The following KLC1 variants were observed in gnomAD, a reference collection of about 807,000 sequenced individuals.
The protein encoded by KLC1 is kinesin light chain 1, also known as kinesin 2 60/70kDa.
KLC1 carries 30 observed loss-of-function variants against 84.2 expected under a neutral mutation model. That is an observed-to-expected ratio of 0.36 (90% CI 0.27 to 0.48). The LOEUF is 0.48. KLC1 is among the 20% of genes least tolerant of loss of function. KLC1 has a pLI of 0.99. For missense variants in KLC1, 499 were observed against 805.4 expected (o/e 0.62, Z 4.60); for synonymous variants, 289 against 293.3 (o/e 0.99, Z 0.15).
In KLC1 at chr14:103,690,788, T is replaced by C. The variant is rs56946889; in HGVS notation, c.1782-1571T>C. Among the ~76,000 whole-genome samples, 192 of 152,344 alleles carry C rather than the reference T, an allele frequency of 1.3e-3. No homozygotes were observed. The East Asian group carries it at 0.027, about 21-fold the overall frequency. On this transcript the variant is annotated intron_variant, in intron 14 of 16. Coordinates refer to ENST00000334553, the MANE Select transcript of KLC1 (RefSeq NM_001394837.1). ...TTATGACTGTCCATCATTTAAGTTATAGATTATTTATAGGCTGTTTCATCA... is the reference window on the plus strand; with the variant it reads ...TTATGACTGTCCATCATTTAAGTTACAGATTATTTATAGGCTGTTTCATCA...
intron 1 of KLC1, among the ~76,000 whole-genome samples, chr14:103,645,413 G>C (rs554982511): frequency 1.3e-5 from 2 of 152,230 alleles, no homozygotes; most frequent in Non-Finnish European, 2.9e-5. Flanking sequence ...GCCTAGCTCA[G>C]TTCTTCTGCA....
At chr14:103,686,041 C>T (rs780906349) in intron 13 of KLC1, 40 of 1,040,038 alleles carry the variant, frequency 3.8e-5, no homozygotes, top group Non-Finnish European at 4.4e-5. Context: ...GCACGTGCTC[C>T]GTGGTACTTA....
chr14:103,677,901 A>T (rs1447617723), intron 12 of KLC1, among the ~76,000 whole-genome samples: 1 of 151,224 alleles, frequency 6.6e-6, no homozygotes, highest in East Asian at 1.9e-4. Flanking sequence ...TGGGAGGTGG[A>T]GGCTGCAGTG....
intron 13 of KLC1, among the ~76,000 whole-genome samples, chr14:103,681,931 T>A (rs1327757773): frequency 6.6e-6 from 1 of 152,222 alleles, no homozygotes; most frequent in Admixed American, 6.5e-5. Flanking sequence ...ACAAAGTTTC[T>A]CATGCTGTTT....
At chr14:103,695,306 A>C (rs894855401) in intron 15 of KLC1, 20 of 729,814 alleles carry the variant, frequency 2.7e-5, no homozygotes, top group African/African-American at 2.0e-4. Context: ...AGCAAAAAAA[A>C]CCATGTGTAT....
At chr14:103,676,722 T>G (rs889486068) in intron 11 of KLC1, among the ~76,000 whole-genome samples, 2 of 152,230 alleles carry the variant, frequency 1.3e-5, no homozygotes, top group African/African-American at 4.8e-5. Flanking sequence ...CCAAAATGCC[T>G]ATTGTAAGTA....
chr14:103,692,691 CCT>C (rs2082190191), intron 15 of KLC1, among the ~76,000 whole-genome samples: 1 of 152,194 alleles, frequency 6.6e-6, no homozygotes, highest in African/African-American at 2.4e-5. Flanking sequence ...AATAGTTTAA[CCT>C]AATTAATGTA....
intron 1 of KLC1, among the ~76,000 whole-genome samples, chr14:103,642,457 A>G (rs1261066962): frequency 6.6e-6 from 1 of 152,138 alleles, no homozygotes; most frequent in Non-Finnish European, 1.5e-5. Flanking sequence ...TTGTCTTGAT[A>G]TTTTTCCCAT....
At chr14:103,660,465 A>T (rs1188476834) in intron 3 of KLC1, among the ~76,000 whole-genome samples, 1 of 146,486 alleles carries the variant, frequency 6.8e-6, no homozygotes, top group African/African-American at 2.5e-5. Flanking sequence ...TAGATGACAG[A>T]GTAAAGCTCT....
At chr14:103,666,717 G>A (rs893311077) in intron 5 of KLC1, among the ~76,000 whole-genome samples, 2 of 149,044 alleles carry the variant, frequency 1.3e-5, no homozygotes, top group Non-Finnish European at 3.0e-5. Flanking sequence ...ACCCACCCCG[G>A]CCTCCCAAAG....
chr14:103,695,066 A>C (rs779842697), intron 15 of KLC1: 54 of 985,260 alleles, frequency 5.5e-5, no homozygotes, highest in Non-Finnish European at 6.1e-5. Flanking sequence ...CTGGTGGATC[A>C]GGAGCTTACA....
At chr14:103,690,613 A>T (rs535290649) in intron 14 of KLC1, among the ~76,000 whole-genome samples, 1 of 131,334 alleles carries the variant, frequency 7.6e-6, no homozygotes, top group East Asian at 2.3e-4. Context: ...CTTTCCCAGG[A>T]ACTGCTGCGC....
In KLC1 at chr14:103,677,467, G is replaced by A. The variant is rs772652534; in HGVS notation, c.1432G>A (p.Gly478Ser). ...CCTTGGGGCACTTTACAGACGTCAA[G>A]GCAAATTTGAAGCTGCAGAAACGTT... Reference protein sequence around the residue: ...KNLGALYRRQGKFEAAETLEE... With the variant: ...KNLGALYRRQSKFEAAETLEE... The change falls in exon 12 of 17, where the codon GGC (glycine) becomes AGC (serine). Residue 478 changes from glycine to serine, a missense_variant. Gly to Ser is a moderately conservative substitution (Grantham distance 56). Transcript: ENST00000334553. 1 of 1,614,082 alleles carries A rather than the reference G, an allele frequency of 6.2e-7. No homozygotes were observed. Among genetic ancestry groups the A allele is most frequent in the Non-Finnish European group, 8.5e-7 (1 of 1,179,996 alleles).
chr14:103,632,898 G>A (rs2076792294), intron 1 of KLC1, among the ~76,000 whole-genome samples: 1 of 152,008 alleles, frequency 6.6e-6, no homozygotes. Context: ...TTGGGATTGG[G>A]GTTCCTGCTT....
Position 103,679,644 on chromosome 14 carries a change from C to G in KLC1, c.1650+99C>G, listed in dbSNP as rs188497757. On this transcript the variant is annotated intron_variant, in intron 13 of 16. Coordinates refer to ENST00000334553, the MANE Select transcript of KLC1 (RefSeq NM_001394837.1). ...CTCATGTGCTAGACCTTCTGCTTTT[C>G]TCAAATTAAGTGCCAATTAAGCTTT... 2,179 of 849,832 alleles carry G rather than the reference C, an allele frequency of 2.6e-3. 2 individuals are homozygous for G. The highest frequency in any genetic ancestry group is 5.6e-3 in the Admixed American group (223 of 39,918). 52.6% of individuals were successfully genotyped at this position (849,832 alleles called of 1,614,324 possible). A position where few individuals can be genotyped will look rare whatever the true frequency, so the allele number is the denominator to read the frequency against.
Position 103,666,239 on chromosome 14 carries a change from A to AT in KLC1, c.798-3267dup, listed in dbSNP as rs1207307533. On this transcript the variant is annotated intron_variant, in intron 5 of 16. Transcript: ENST00000334553. Reference sequence around the variant, plus strand: ...CCACCGCGCCCGGCTAATTTTTTGTATTTTTAGTAGAGACGGAGTTTCACC... The same window carrying AT: ...CCACCGCGCCCGGCTAATTTTTTGTATTTTTTAGTAGAGACGGAGTTTCACC... Among the ~76,000 whole-genome samples the AT allele has an allele frequency of 5.3e-5, 8 of 151,540 alleles. No individual in the cohort carries two copies. The South Asian group carries it at 1.5e-3, about 28-fold the overall frequency.
At chr14:103,695,430 G>A in intron 15 of KLC1, 3 of 984,936 alleles carry the variant, frequency 3.0e-6, no homozygotes, top group Non-Finnish European at 3.6e-6. Flanking sequence ...AAAGGGGGGT[G>A]TAGAGCAGCT....
At chr14:103,657,493 G>T (rs2078927101) in intron 2 of KLC1, 53 bp from the exon 3 acceptor site, 1 of 1,442,408 alleles carries the variant, frequency 6.9e-7, no homozygotes, top group Non-Finnish European at 9.7e-7. Flanking sequence ...CGGGTGGGAG[G>T]GACTCTTGCT....
chr14:103,629,867 G>A (rs1022827394), intron 1 of KLC1, among the ~76,000 whole-genome samples: 2 of 151,988 alleles, frequency 1.3e-5, no homozygotes, highest in African/African-American at 2.4e-5. Context: ...GGCCGTTCCC[G>A]GGGACAGCTG....
Sources: gnomAD v4.1 joint callset for allele counts (sites outside exome capture counted in the v4.1 genomes callset) on GRCh38, gnomAD v4.1.1 for gene constraint, MANE v1.5 for transcripts, NCBI Gene and HGNC (gene_info 2026-07-23, HGNC 2026-07-21) for gene names.